Variants in UGT1A5 observed in about 807,000 individuals in gnomAD.
The protein encoded by UGT1A5 is UDP glucuronosyltransferase family 1 member A5, also known as UDP-glucuronosyltransferase 1A5.
Under a neutral mutation model 40.3 loss-of-function variants are expected in UGT1A5, and 29 were observed. That is an observed-to-expected ratio of 0.72 (90% CI 0.54 to 0.98). The LOEUF is 0.98. UGT1A5 is among the 50% of genes least tolerant of loss of function. The probability of loss-of-function intolerance (pLI) is 0.00; values close to 1 mark genes in which losing one functional copy is unlikely to be tolerated. For synonymous variants in UGT1A5, 257 were observed against 262.5 expected, an observed-to-expected ratio of 0.98 and a Z score of 0.20; for missense variants, 678 against 677.9, an observed-to-expected ratio of 1.00 and a Z score of 0.00.
rs1236421933 is a variant in UGT1A5, at chr2:233,745,346, T to TG, written c.868-21683dup. 2.2e-4 allele frequency among the ~76,000 whole-genome samples: 34 copies of TG among 151,966 alleles called. 1 individual carries two copies. The highest frequency in any genetic ancestry group is 8.2e-4 in the African/African-American group (34 of 41,256). ...ACTGCTATATCATGACCATGAATTT[T>TG]GGGGGAATTTTTTTGAGATCTGAGT... is the stretch of plus-strand genomic sequence containing the variant. On this transcript the variant is annotated intron_variant, in intron 1 of 4. Coordinates refer to ENST00000373414, the MANE Select transcript of UGT1A5 (RefSeq NM_019078.2).
chr2:233,772,314 G>C lies in UGT1A5; in HGVS notation c.1360G>C (p.Glu454Gln), dbSNP rs1312404188. 1.9e-6 allele frequency: 3 copies of C among 1,614,222 alleles called. No homozygotes were observed. In the East Asian group the frequency reaches 6.7e-5, roughly 36 times the overall value. The change falls in exon 5 of 5, where the codon GAG becomes CAG. Residue 454 changes from glutamate (E) to glutamine (Q), a missense_variant. Coordinates refer to ENST00000373414, the MANE Select transcript of UGT1A5 (RefSeq NM_019078.2). ...LSSLHKDRPV[E>Q]PLDLAVFWVE... Reference sequence around the variant, plus strand: ...CAGCCTTCACAAGGACCGCCCGGTGGAGCCGCTGGACCTGGCCGTGTTCTG... The same window carrying C: ...CAGCCTTCACAAGGACCGCCCGGTGCAGCCGCTGGACCTGGCCGTGTTCTG...
intron 1 of UGT1A5, chr2:233,743,255 C>T: frequency 2.3e-6 from 1 of 438,832 alleles, no homozygotes; most frequent in Middle Eastern, 3.5e-4. Flanking sequence ...CTCAACTCTC[C>T]ATCTTCCTCC....
rs1692213854 is a variant in UGT1A5 at position 233,743,141 on chromosome 2, AG to A, written c.868-23892del. Reference sequence around the variant, plus strand: ...AAAGTTCACTTTCAATCCTAAAAAAAGTCCGCTATTCCTCCAGATGTGCTTA... The same window carrying A: ...AAAGTTCACTTTCAATCCTAAAAAAATCCGCTATTCCTCCAGATGTGCTTA... On this transcript the variant is annotated intron_variant, in intron 1 of 4. Transcript: ENST00000373414. The A allele has an allele frequency of 1.1e-5, 4 of 356,900 alleles. No individual in the cohort carries two copies. The Admixed American group carries it at 1.1e-4, about 10-fold the overall frequency. The allele number at this position is 356,900 out of a possible 1,614,324, so 22.1% of individuals were successfully genotyped here.
In UGT1A5 at chr2:233,743,160, T is replaced by C. The variant is rs191127881; in HGVS notation, c.868-23874T>C. On this transcript the variant is annotated intron_variant, in intron 1 of 4. Coordinates refer to ENST00000373414, the MANE Select transcript of UGT1A5 (RefSeq NM_019078.2). ...AAAAAAAGTCCGCTATTCCTCCAGA[T>C]GTGCTTAAAGTCAAATGTGGACTGG... The C allele has an allele frequency of 3.8e-4, 139 of 361,394 alleles. 1 individual carries two copies. Among genetic ancestry groups the C allele is most frequent in the Middle Eastern group, 7.9e-4 (2 of 2,540 alleles). 22.4% of individuals were successfully genotyped at this position (361,394 alleles called of 1,614,324 possible). A position where few individuals can be genotyped will look rare whatever the true frequency, so the allele number is the denominator to read the frequency against.
intron 1 of UGT1A5, 110 bp from the exon 2 acceptor site, chr2:233,766,924 A>G (rs985684086): frequency 6.4e-7 from 1 of 1,565,332 alleles, no homozygotes; most frequent in Admixed American, 1.9e-5. Flanking sequence ...TCAAACACGC[A>G]TGCCTTTAAT....
At chr2:233,752,552 G>C (rs942776893) in intron 1 of UGT1A5, 3 of 152,120 alleles carry the variant, frequency 2.0e-5, no homozygotes, top group Admixed American at 1.3e-4. Flanking sequence ...GCTCTTGCTG[G>C]GACAACATAG....
In UGT1A5 at chr2:233,729,271, C is replaced by T. The variant is rs45595237; in HGVS notation, c.867+15413C>T. ...CTGGCTCAGCATGCGGGAGGTCTTGCGGGAGCTCCATGCCAGAGGCCACCA... is the reference window on the plus strand; with the variant it reads ...CTGGCTCAGCATGCGGGAGGTCTTGTGGGAGCTCCATGCCAGAGGCCACCA... On this transcript the variant is annotated intron_variant, in intron 1 of 4. Transcript: ENST00000373414. The T allele has an allele frequency of 1.2e-3, 1,887 of 1,614,166 alleles. 14 individuals are homozygous for T. The African/African-American group carries it at 0.018, about 15-fold the overall frequency.
Position 233,713,798 on chromosome 2 carries a change from C to T in UGT1A5, c.807C>T (p.Ile269=). 1 of 1,614,086 alleles carries T rather than the reference C, an allele frequency of 6.2e-7. No homozygotes were observed. Among genetic ancestry groups the T allele is most frequent in the Non-Finnish European group, 8.5e-7 (1 of 1,179,968 alleles). ...TTGTGATGGATTACCCCAGGCCGAT[C>T]ATGCCCAACATGGTCTTCATTGGGG... ...GDFVMDYPRP[I]MPNMVFIGGI... The change falls in exon 1 of 5, where the codon ATC becomes ATT. Residue 269 remains isoleucine (I), a synonymous_variant. Transcript: ENST00000373414.
intron 1 of UGT1A5, among the ~76,000 whole-genome samples, chr2:233,762,430 C>G (rs796065862): frequency 1.7e-4 from 26 of 152,296 alleles, no homozygotes; most frequent in African/African-American, 6.3e-4. Context: ...AATAGAGTAA[C>G]AGTGTATTCC....
chr2:233,743,913 C>G (rs1692584630), intron 1 of UGT1A5: 1 of 1,365,508 alleles, frequency 7.3e-7, no homozygotes, highest in Non-Finnish European at 9.8e-7. Context: ...TAGTAGTCCA[C>G]CATGCTGGAT....
chr2:233,742,169 GAA>G (rs2125841424), intron 1 of UGT1A5, among the ~76,000 whole-genome samples: 1 of 152,048 alleles, frequency 6.6e-6, no homozygotes, highest in East Asian at 1.9e-4. Context: ...CACACACACA[GAA>G]ATATAGAGTG....
chr2:233,767,930 C>A lies in UGT1A5; in HGVS notation c.1081C>A (p.Leu361Met). The change falls in exon 3 of 5, where the codon CTG (leucine) becomes ATG (methionine). Residue 361 changes from leucine to methionine, a missense_variant. By Grantham distance (15) the Leu-to-Met change is conservative (BLOSUM62 2). Coordinates refer to ENST00000373414, the MANE Select transcript of UGT1A5 (RefSeq NM_019078.2). ...ILVKWLPQND[L>M]LGHPMTRAFI... ...TGTTAAGTGGCTACCCCAAAACGAT[C>A]TGCTTGGTATGTTGGGCGGATTGGA... The A allele has an allele frequency of 6.2e-7, 1 of 1,614,200 alleles. No individual in the cohort carries two copies. The highest frequency in any genetic ancestry group is 8.5e-7 in the Non-Finnish European group (1 of 1,180,054).
chr2:233,729,228 G>C (rs752170717), intron 1 of UGT1A5: 18 of 1,614,046 alleles, frequency 1.1e-5, no homozygotes, highest in Non-Finnish European at 1.5e-5. Context: ...TGTTGGTGGT[G>C]CCCATTGATG....
chr2:233,768,836 G>A (rs543894216), intron 4 of UGT1A5, among the ~76,000 whole-genome samples: 3 of 151,834 alleles, frequency 2.0e-5, no homozygotes, highest in African/African-American at 7.3e-5. Flanking sequence ...CACCTGCCTC[G>A]GCCTGCCAAA....
intron 1 of UGT1A5, among the ~76,000 whole-genome samples, chr2:233,759,295 C>T (rs939661689): frequency 1.3e-5 from 2 of 152,106 alleles, no homozygotes; most frequent in Non-Finnish European, 2.9e-5. Context: ...GAAGCTGAGC[C>T]CTGAGTGGCT....
At chr2:233,740,090 C>T (rs1463854417) in intron 1 of UGT1A5, among the ~76,000 whole-genome samples, 1 of 151,842 alleles carries the variant, frequency 6.6e-6, no homozygotes, top group Non-Finnish European at 1.5e-5. Context: ...CGCCTGCTGC[C>T]ATGTGAGACA....
Position 233,713,025 on chromosome 2 carries a change from C to G in UGT1A5, c.34C>G (p.Leu12Val). Residue 12 changes from leucine to valine, a missense_variant, in exon 1 of 5, where the codon CTG becomes GTG. Coordinates refer to ENST00000373414, the MANE Select transcript of UGT1A5 (RefSeq NM_019078.2). Reference protein sequence around the residue: ...ATGLQVPLPQLATGLLLLLSV... With the variant: ...ATGLQVPLPQVATGLLLLLSV... The stretch of plus-strand genomic sequence containing the variant: ...AGGACTCCAGGTTCCCCTGCCGCAG[C>G]TGGCCACAGGACTGCTGCTTCTCCT... The G allele has an allele frequency of 6.2e-7, 1 of 1,613,852 alleles. No homozygotes were observed. The highest frequency in any genetic ancestry group is 8.5e-7 in the Non-Finnish European group (1 of 1,180,032).
In UGT1A5 at chr2:233,713,712, A is replaced by G. The variant is rs1296913167; in HGVS notation, c.721A>G (p.Arg241Gly). 1.2e-6 allele frequency: 2 copies of G among 1,613,852 alleles called. No homozygotes were observed. The highest frequency in any genetic ancestry group is 2.2e-5 in the East Asian group (1 of 44,872). Residue 241 changes from arginine (R) to glycine (G), a missense_variant, in exon 1 of 5, where the codon AGA (arginine) becomes GGA (glycine). Coordinates refer to ENST00000373414, the MANE Select transcript of UGT1A5 (RefSeq NM_019078.2). ...AAGCCTTGCCTCTGAGCTTTTTCAG[A>G]GAGAGGTGTCAGTGGTGGATCTTGT... is the stretch of plus-strand genomic sequence containing the variant. ...YASLASELFQREVSVVDLVSH... is the reference protein window; with the variant it reads ...YASLASELFQGEVSVVDLVSH...
At chr2:233,732,721 G>C (rs2078305544) in intron 1 of UGT1A5, among the ~76,000 whole-genome samples, 1 of 147,538 alleles carries the variant, frequency 6.8e-6, no homozygotes, top group South Asian at 2.1e-4. Context: ...TTGTAGTACA[G>C]TTTGAAGTCA....
Sources: gnomAD v4.1 joint callset for allele counts (sites outside exome capture counted in the v4.1 genomes callset) on GRCh38, gnomAD v4.1.1 for gene constraint, MANE v1.5 for transcripts, NCBI Gene and HGNC (gene_info 2026-07-23, HGNC 2026-07-21) for gene names.